Variants in PTBP3 observed in about 807,000 individuals in gnomAD.
PTBP3 encodes the protein polypyrimidine tract-binding protein 3.
In PTBP3, 20 loss-of-function variants were observed where a neutral mutation model predicts 58.7. That is an observed-to-expected ratio of 0.34 (90% CI 0.24 to 0.50). PTBP3 has a LOEUF of 0.50. Ranked by LOEUF, PTBP3 falls within the 20% of genes least tolerant of loss-of-function variation. The probability of loss-of-function intolerance (pLI) is 0.98; values close to 1 mark genes in which losing one functional copy is unlikely to be tolerated. For missense variants in PTBP3, 509 were observed against 637.2 expected, an observed-to-expected ratio of 0.80 and a Z score of 2.17; for synonymous variants, 185 against 219.8, an observed-to-expected ratio of 0.84 and a Z score of 1.40.
intron 4 of PTBP3, among the ~76,000 whole-genome samples, chr9:112,265,993 T>C (rs1329984948): frequency 6.6e-6 from 1 of 152,176 alleles, no homozygotes; most frequent in African/African-American, 2.4e-5. Flanking sequence ...TTTCTGAGCA[T>C]GGTACTGAAG....
chr9:112,300,838 T>G lies in PTBP3; in HGVS notation c.-51-2922A>C, dbSNP rs1343682101. ...AAACCCGGGCACAGTGGCTCACACC[T>G]GTATTCCCAGCACTTGGGAGGCCAA... On this transcript the variant is annotated intron_variant, in intron 1 of 13. Transcript: ENST00000374257. Among the ~76,000 whole-genome samples, 5 of 151,894 alleles carry G rather than the reference T, an allele frequency of 3.3e-5. No homozygotes were observed. In the East Asian group the frequency reaches 9.7e-4, roughly 29 times the overall value.
intron 2 of PTBP3, among the ~76,000 whole-genome samples, chr9:112,276,704 T>C (rs1431039312): frequency 6.6e-6 from 1 of 152,046 alleles, no homozygotes; most frequent in Non-Finnish European, 1.5e-5. Flanking sequence ...CTCCAGGAGA[T>C]TCTATTTACC....
At chr9:112,238,449 G>GTA (rs1835518682) in intron 7 of PTBP3, among the ~76,000 whole-genome samples, 1 of 152,176 alleles carries the variant, frequency 6.6e-6, no homozygotes, top group Admixed American at 6.5e-5. Flanking sequence ...CAGTATGGGG[G>GTA]TATAACATGT....
At chr9:112,247,548 A>T (rs1330186204) in intron 7 of PTBP3, among the ~76,000 whole-genome samples, 1 of 107,736 alleles carries the variant, frequency 9.3e-6, no homozygotes, top group Non-Finnish European at 1.8e-5. Context: ...CACAAAAAAA[A>T]TGACAAAAAA....
chr9:112,320,919 C>G (rs1480562268), intron 1 of PTBP3, among the ~76,000 whole-genome samples: 2 of 152,044 alleles, frequency 1.3e-5, no homozygotes, highest in Non-Finnish European at 2.9e-5. Flanking sequence ...CTTCTTAAAG[C>G]AAATAAATGA....
chr9:112,256,114 C>CG (rs768917529), intron 5 of PTBP3, among the ~76,000 whole-genome samples: 10 of 151,530 alleles, frequency 6.6e-5, no homozygotes, highest in Admixed American at 2.0e-4. Flanking sequence ...ATTAGCCAGG[C>CG]ATGGTGGTGC....
chr9:112,333,368 G>A, intron 1 of PTBP3, 102 bp downstream of exon 1: 1 of 1,292,882 alleles, frequency 7.7e-7, no homozygotes, highest in Admixed American at 4.0e-5. Context: ...TCCGGCCGCC[G>A]GCGCCGCGCA....
the PTBP3 span, among the ~76,000 whole-genome samples, chr9:112,362,243 G>T: frequency 6.6e-6 from 1 of 152,166 alleles, no homozygotes; most frequent in Non-Finnish European, 1.5e-5. Context: ...AGAGGGAGAG[G>T]TTGAGGCTGC....
chr9:112,243,022 G>A (rs1421153914), intron 7 of PTBP3, among the ~76,000 whole-genome samples: 2 of 151,732 alleles, frequency 1.3e-5, no homozygotes, highest in Non-Finnish European at 2.9e-5. Context: ...GACCACATCT[G>A]TGGATCTATT....
intron 4 of PTBP3, among the ~76,000 whole-genome samples, chr9:112,267,168 CTTTTTT>C (rs59575179): frequency 1.5e-5 from 2 of 137,610 alleles, no homozygotes; most frequent in African/African-American, 2.7e-5. Flanking sequence ...AACCCACTTT[CTTTTTT>C]TTTTTTTTTT....
chr9:112,235,315 A>T (rs1277918044), intron 7 of PTBP3, among the ~76,000 whole-genome samples: 1 of 152,192 alleles, frequency 6.6e-6, no homozygotes, highest in Non-Finnish European at 1.5e-5. Flanking sequence ...GAGATTCATG[A>T]TGAGGGTCGA....
At chr9:112,320,417 A>G (rs1829901057) in intron 1 of PTBP3, among the ~76,000 whole-genome samples, 1 of 150,700 alleles carries the variant, frequency 6.6e-6, no homozygotes, top group Non-Finnish European at 1.5e-5. Flanking sequence ...AACATGTTGT[A>G]TATCATGAAT....
downstream of PTBP3, chr9:112,217,931 A>T (rs748203781): frequency 2.6e-5 from 4 of 152,250 alleles, no homozygotes; most frequent in Admixed American, 6.5e-5. Flanking sequence ...AAGGAAAAGG[A>T]ATGTAGCATC....
intron 4 of PTBP3, among the ~76,000 whole-genome samples, chr9:112,263,558 A>C (rs567216315): frequency 6.6e-6 from 1 of 152,378 alleles, no homozygotes; most frequent in South Asian, 2.1e-4. Context: ...CATTCTTGAA[A>C]ATAAATTGCC....
At chr9:112,360,716 C>T in the PTBP3 span, among the ~76,000 whole-genome samples, 8 of 151,940 alleles carry the variant, frequency 5.3e-5, no homozygotes, top group South Asian at 2.1e-4. Context: ...AGTTATAATA[C>T]GACTAACAGT....
chr9:112,267,437 C>T (rs999352151), intron 4 of PTBP3, among the ~76,000 whole-genome samples: 2 of 151,902 alleles, frequency 1.3e-5, no homozygotes, highest in Middle Eastern at 3.2e-3. Context: ...AAACCGCGCC[C>T]GGCCAAAAAC....
Position 112,250,964 on chromosome 9 carries a change from T to C in PTBP3, c.767A>G (p.Gln256Arg), listed in dbSNP as rs753927457. 1 of 1,608,198 alleles carries C rather than the reference T, an allele frequency of 6.2e-7. No homozygotes were observed. The highest frequency in any genetic ancestry group is 8.5e-7 in the Non-Finnish European group (1 of 1,177,262). Residue 256 changes from glutamine (Q) to arginine (R), a missense_variant, in exon 7 of 14, where the codon CAG (glutamine) becomes CGG (arginine). Physicochemically the swap from Gln to Arg is conservative, Grantham distance 43. This residue lies in a region of PTBP3 where 121 missense variants were observed against 114.8 expected (regional missense o/e 1.05). Coordinates refer to ENST00000374257, the MANE Select transcript of PTBP3 (RefSeq NM_001163788.4). ...TRLDLPTGDGQPSLEPPMAAA... is the reference protein window; with the variant it reads ...TRLDLPTGDGRPSLEPPMAAA... ...AGCCATAGGGGGTTCAAGGGATGGC[T>C]GGCCATCACCAGTAGGAAGGTCTAA... is the stretch of plus-strand genomic sequence containing the variant.
chr9:112,338,072 G>C (rs761807472), upstream of PTBP3, among the ~76,000 whole-genome samples: 4 of 152,164 alleles, frequency 2.6e-5, no homozygotes, highest in Non-Finnish European at 5.9e-5. Flanking sequence ...AAGGTTACAT[G>C]CTGTATGATT....
intron 1 of PTBP3, among the ~76,000 whole-genome samples, chr9:112,320,327 T>A (rs1829893655): frequency 1.9e-5 from 1 of 53,950 alleles, no homozygotes; most frequent in African/African-American, 1.4e-4. Flanking sequence ...TTTTTTTAAG[T>A]GTTATCACCA....
Sources: gnomAD v4.1 joint callset for allele counts (sites outside exome capture counted in the v4.1 genomes callset) on GRCh38, gnomAD v4.1.1 for gene constraint, gnomAD v4.1.1 regional missense constraint, MANE v1.5 for transcripts, NCBI Gene and HGNC (gene_info 2026-07-23, HGNC 2026-07-21) for gene names.